Variants in ZFPM2 observed in about 807,000 individuals in gnomAD.
The protein encoded by ZFPM2 is zinc finger protein ZFPM2.
ZFPM2 carries 20 observed loss-of-function variants against 98.6 expected under a neutral mutation model. The observed-to-expected ratio is 0.20, with a 90% CI of 0.14 to 0.29. ZFPM2 has a LOEUF of 0.29. ZFPM2 is among the 10% of genes least tolerant of loss of function. ZFPM2 has a pLI of 1.00. For missense variants in ZFPM2, 1,310 were observed against 1,388.6 expected (o/e 0.94, Z 0.90); for synonymous variants, 518 against 502.7 (o/e 1.03, Z -0.41).
At chr8:105,644,295 T>A (rs138674337) in intron 5 of ZFPM2, among the ~76,000 whole-genome samples, 1 of 123,372 alleles carries the variant, frequency 8.1e-6, no homozygotes, top group African/African-American at 2.7e-5. Context: ...TTTTTTTTTT[T>A]TTAAAAAAAA....
At chr8:105,759,405 G>A (rs1812684850) in intron 5 of ZFPM2, among the ~76,000 whole-genome samples, 1 of 152,048 alleles carries the variant, frequency 6.6e-6, no homozygotes, top group African/African-American at 2.4e-5. Context: ...AGGGCAAGAT[G>A]CCTTTCCACA....
At chr8:105,633,418 T>A (rs1816788647) in intron 4 of ZFPM2, among the ~76,000 whole-genome samples, 1 of 152,310 alleles carries the variant, frequency 6.6e-6, no homozygotes, top group Admixed American at 6.5e-5. Context: ...TGCTGAGACA[T>A]ACTTATTTCC....
intron 1 of ZFPM2, 21 bp downstream of exon 1, chr8:105,319,002 G>C: frequency 6.7e-7 from 1 of 1,495,936 alleles, no homozygotes; most frequent in Non-Finnish European, 9.0e-7. Context: ...GCGCGGGGCC[G>C]GGAGTTGGTG....
At chr8:105,674,499 A>G (rs560860051) in intron 5 of ZFPM2, among the ~76,000 whole-genome samples, 364 of 152,340 alleles carry the variant, frequency 2.4e-3, no homozygotes, top group Non-Finnish European at 4.0e-3. Flanking sequence ...TTAGTGGTAA[A>G]GAGGAAATCA....
chr8:105,798,697 A>ACG, intron 6 of ZFPM2, 27 bp from the exon 7 acceptor site: 1 of 1,589,648 alleles, frequency 6.3e-7, no homozygotes, highest in East Asian at 2.3e-5. Flanking sequence ...ACAGCAGCAA[A>ACG]TGTGTCTCTT....
At chr8:105,414,564 A>T (rs1811641080) in intron 1 of ZFPM2, among the ~76,000 whole-genome samples, 1 of 148,656 alleles carries the variant, frequency 6.7e-6, no homozygotes, top group Non-Finnish European at 1.5e-5. Context: ...CATCATTTTC[A>T]TCCTTATTCC....
intron 5 of ZFPM2, among the ~76,000 whole-genome samples, chr8:105,778,496 G>A (rs1390262087): frequency 6.6e-6 from 1 of 151,650 alleles, no homozygotes; most frequent in Non-Finnish European, 1.5e-5. Flanking sequence ...ATGCGTGTGT[G>A]TGTGTGTGTG....
chr8:105,373,863 A>G (rs1180410894), intron 1 of ZFPM2, among the ~76,000 whole-genome samples: 1 of 152,238 alleles, frequency 6.6e-6, no homozygotes, highest in African/African-American at 2.4e-5. Context: ...GAGACTTTTA[A>G]TAAGCATTTT....
At chr8:105,504,584 A>G (rs1272441863) in intron 3 of ZFPM2, among the ~76,000 whole-genome samples, 2 of 152,186 alleles carry the variant, frequency 1.3e-5, no homozygotes, top group Non-Finnish European at 2.9e-5. Context: ...GCCTGCGTGA[A>G]AAAACACTGT....
At chr8:105,780,760 A>G (rs1402029784) in intron 5 of ZFPM2, among the ~76,000 whole-genome samples, 3 of 152,176 alleles carry the variant, frequency 2.0e-5, no homozygotes, top group Non-Finnish European at 4.4e-5. Context: ...CCAGCCTGTA[A>G]TCCCAGCAAC....
At chr8:105,435,671 A>C (rs1460184783) in intron 2 of ZFPM2, among the ~76,000 whole-genome samples, 3 of 152,178 alleles carry the variant, frequency 2.0e-5, no homozygotes, top group Admixed American at 6.5e-5. Flanking sequence ...AGAAGTAAAA[A>C]AAAATGTTGG....
At chr8:105,712,314 A>G (rs1258546157) in intron 5 of ZFPM2, among the ~76,000 whole-genome samples, 2 of 152,112 alleles carry the variant, frequency 1.3e-5, no homozygotes, top group South Asian at 2.1e-4. Context: ...AACAAAAGAA[A>G]TAGACTAGGC....
chr8:105,538,648 A>G (rs1188393704), intron 3 of ZFPM2, among the ~76,000 whole-genome samples: 1 of 150,296 alleles, frequency 6.7e-6, no homozygotes, highest in African/African-American at 2.4e-5. Context: ...TTTTTTTTTT[A>G]GTCTTCCAAG....
rs756608500 is a variant in ZFPM2, at chr8:105,419,242, T to A, written c.139T>A (p.Ser47Thr). The A allele has an allele frequency of 1.2e-6, 2 of 1,613,574 alleles. No homozygotes were observed. The highest frequency in any genetic ancestry group is 1.6e-4 in the Middle Eastern group (1 of 6,082). The change falls in exon 2 of 8, where the codon TCC becomes ACC. Residue 47 changes from serine (S) to threonine (T), a missense_variant. By Grantham distance (58) the Ser-to-Thr change is moderately conservative. Transcript: ENST00000407775. ...KGDFPLEESF[S>T]TEFGPENLSC... ...AGACTTTCCATTGGAGGAAAGCTTT[T>A]CCACAGAATTTGGGCCTGAAAATCT...
chr8:105,686,378 C>G (rs1810735011), intron 5 of ZFPM2, among the ~76,000 whole-genome samples: 1 of 151,874 alleles, frequency 6.6e-6, no homozygotes, highest in South Asian at 2.1e-4. Context: ...CTGCATCTTC[C>G]AAAACTTTAG....
chr8:105,415,706 A>G (rs1205032929), intron 1 of ZFPM2, among the ~76,000 whole-genome samples: 1 of 152,122 alleles, frequency 6.6e-6, no homozygotes, highest in African/African-American at 2.4e-5. Context: ...AGAAACATGC[A>G]ATGTAGAGAG....
chr8:105,801,659 G>C lies in ZFPM2; in HGVS notation c.1577G>C (p.Arg526Pro). Residue 526 changes from arginine to proline, a missense_variant, in exon 8 of 8, where the codon CGG becomes CCG. Physicochemically the swap from Arg to Pro is moderately radical, Grantham distance 103. Transcript: ENST00000407775. ...GCTAAGATGTCTGAACTGGTGCATC[G>C]GCGACTGAGGCATGGCAGTAGTAGC... ...ILAKMSELVH[R>P]RLRHGSSSYP... 6.2e-7 allele frequency: 1 copy of C among 1,613,488 alleles called. No individual in the cohort carries two copies. Among genetic ancestry groups the C allele is most frequent in the Non-Finnish European group, 8.5e-7 (1 of 1,179,858 alleles).
intron 4 of ZFPM2, among the ~76,000 whole-genome samples, chr8:105,591,995 A>C (rs2130766315): frequency 6.6e-6 from 1 of 152,326 alleles, no homozygotes; most frequent in Middle Eastern, 3.4e-3. Flanking sequence ...TGTTCTCAAA[A>C]CACAAGCAGC....
At chr8:105,463,460 T>C (rs1476851701) in intron 3 of ZFPM2, among the ~76,000 whole-genome samples, 2 of 151,912 alleles carry the variant, frequency 1.3e-5, no homozygotes, top group African/African-American at 4.8e-5. Context: ...AAAGAAAGGA[T>C]GATCACTTTT....
Sources: gnomAD v4.1 joint callset for allele counts (sites outside exome capture counted in the v4.1 genomes callset) on GRCh38, gnomAD v4.1.1 for gene constraint, MANE v1.5 for transcripts, NCBI Gene and HGNC (gene_info 2026-07-23, HGNC 2026-07-21) for gene names.